DGKG: variants seen among roughly 807,000 people sequenced by gnomAD.
The protein encoded by DGKG is DAG kinase gamma.
In DGKG, 78 loss-of-function variants were observed where a neutral mutation model predicts 105.3. That is an observed-to-expected ratio of 0.74 (90% confidence interval 0.62 to 0.89). The LOEUF (loss-of-function observed/expected upper bound fraction) is 0.89, where lower values mean the gene tolerates loss of function less well. DGKG is among the 40% of genes least tolerant of loss of function. The pLI is 0.00. For missense variants in DGKG, 958 were observed against 1,020.1 expected, an observed-to-expected ratio of 0.94 and a Z score of 0.83; for synonymous variants, 346 against 367.1, an observed-to-expected ratio of 0.94 and a Z score of 0.66.
intron 21 of DGKG, 105 bp downstream of exon 21, chr3:186,211,690 T>C (rs1262757098): frequency 2.4e-6 from 2 of 825,752 alleles, no homozygotes; most frequent in East Asian, 5.1e-5. Context: ...GAGACTACGC[T>C]CTGGGTCACC....
chr3:186,240,447 G>GATGA (rs951169769), intron 20 of DGKG, among the ~76,000 whole-genome samples: 77 of 152,304 alleles, frequency 5.1e-4, no homozygotes, highest in African/African-American at 1.8e-3. Flanking sequence ...TGAATGAATG[G>GATGA]ATGAATGAAT....
At chr3:186,235,671 G>C (rs748952055) in intron 20 of DGKG, among the ~76,000 whole-genome samples, 1 of 152,224 alleles carries the variant, frequency 6.6e-6, no homozygotes, top group African/African-American at 2.4e-5. Flanking sequence ...GTATTCAAGA[G>C]AGGAAGCCCT....
At chr3:186,192,272 G>GATCCCT (rs1206765492) in intron 21 of DGKG, among the ~76,000 whole-genome samples, 5 of 152,188 alleles carry the variant, frequency 3.3e-5, no homozygotes, top group African/African-American at 1.2e-4. Context: ...ACCTCCGGAA[G>GATCCCT]TGCTGGGATC....
intron 19 of DGKG, among the ~76,000 whole-genome samples, chr3:186,243,126 G>A (rs1439897877): frequency 1.3e-5 from 2 of 151,562 alleles, no homozygotes; most frequent in African/African-American, 4.9e-5. Flanking sequence ...ACCTGACATT[G>A]GTAGATGCTA....
intron 20 of DGKG, among the ~76,000 whole-genome samples, chr3:186,214,700 C>T (rs1033309410): frequency 1.3e-5 from 2 of 152,182 alleles, no homozygotes; most frequent in African/African-American, 4.8e-5. Flanking sequence ...TGCTAATATA[C>T]TTCGGAGAAA....
At chr3:186,185,610 G>A (rs559270052) in intron 22 of DGKG, among the ~76,000 whole-genome samples, 1 of 152,238 alleles carries the variant, frequency 6.6e-6, no homozygotes, top group Admixed American at 6.5e-5. Flanking sequence ...TGCTCTGAGG[G>A]AGCTAGATAC....
chr3:186,303,080 G>T (rs1257373821), intron 3 of DGKG, among the ~76,000 whole-genome samples: 1 of 152,076 alleles, frequency 6.6e-6, no homozygotes, highest in Admixed American at 6.6e-5. Context: ...TCTGTCACAG[G>T]GTCCAGAGCT....
chr3:186,157,785 C>G (rs1716108590), intron 24 of DGKG, among the ~76,000 whole-genome samples: 1 of 152,120 alleles, frequency 6.6e-6, no homozygotes, highest in African/African-American at 2.4e-5. Context: ...CTCACTGCAA[C>G]CTCTGCCTCT....
chr3:186,265,501 C>T (rs1722003828), intron 13 of DGKG, among the ~76,000 whole-genome samples, 195 bp from the exon 14 acceptor site: 3 of 152,172 alleles, frequency 2.0e-5, no homozygotes, highest in Admixed American at 1.3e-4. Flanking sequence ...TAGGATTCTT[C>T]AGGCCTCCAG....
intron 1 of DGKG, among the ~76,000 whole-genome samples, chr3:186,326,558 T>A (rs556865087): frequency 1.4e-3 from 216 of 152,264 alleles, no homozygotes; most frequent in African/African-American, 5.0e-3. Context: ...TCCTTCCATA[T>A]TTTTTAACTA....
At chr3:186,354,706 T>A (rs1351021509) in intron 1 of DGKG, among the ~76,000 whole-genome samples, 2 of 152,208 alleles carry the variant, frequency 1.3e-5, no homozygotes, top group African/African-American at 2.4e-5. Flanking sequence ...GAAGCATCAA[T>A]GACTTAAGAA....
At chr3:186,358,888 A>G (rs1017752406) in intron 1 of DGKG, among the ~76,000 whole-genome samples, 3 of 152,254 alleles carry the variant, frequency 2.0e-5, no homozygotes, top group Non-Finnish European at 4.4e-5. Flanking sequence ...GAAGTGGGAC[A>G]TTATACACAT....
At chr3:186,296,837 T>C (rs1398990750) in intron 5 of DGKG, among the ~76,000 whole-genome samples, 2 of 152,242 alleles carry the variant, frequency 1.3e-5, no homozygotes, top group African/African-American at 4.8e-5. Context: ...AAATGTGTAA[T>C]GAGCAGATGC....
intron 24 of DGKG, among the ~76,000 whole-genome samples, chr3:186,157,836 G>C (rs1280661915): frequency 6.6e-6 from 1 of 152,114 alleles, no homozygotes; most frequent in South Asian, 2.1e-4. Context: ...CCGAGGAGCT[G>C]GAATTACAGG....
chr3:186,263,444 G>A (rs1227271171), intron 14 of DGKG, among the ~76,000 whole-genome samples: 2 of 152,012 alleles, frequency 1.3e-5, no homozygotes, highest in Non-Finnish European at 2.9e-5. Flanking sequence ...GCGCATGCCT[G>A]TAATCCCAGC....
intron 2 of DGKG, among the ~76,000 whole-genome samples, chr3:186,313,994 T>A (rs902408087): frequency 2.0e-5 from 3 of 152,212 alleles, no homozygotes; most frequent in African/African-American, 7.2e-5. Context: ...GCCCTAAATA[T>A]GTTCTCTGAC....
At chr3:186,232,237 G>A (rs949683597) in intron 20 of DGKG, among the ~76,000 whole-genome samples, 3 of 152,166 alleles carry the variant, frequency 2.0e-5, no homozygotes, top group Non-Finnish European at 2.9e-5. Flanking sequence ...TACAGCAGAT[G>A]AACTCACTCC....
At chr3:186,283,192 G>A (rs1275303619) in intron 7 of DGKG, among the ~76,000 whole-genome samples, 1 of 151,976 alleles carries the variant, frequency 6.6e-6, no homozygotes, top group South Asian at 2.1e-4. Context: ...AGAGTCACTC[G>A]CCTGGCCAAA....
At chr3:186,230,403 C>G (rs898808342) in intron 20 of DGKG, among the ~76,000 whole-genome samples, 2 of 152,132 alleles carry the variant, frequency 1.3e-5, no homozygotes, top group African/African-American at 4.8e-5. Context: ...CAAGTGATGA[C>G]TAGGTCACAA....
Sources: allele counts gnomAD v4.1 joint callset (sites outside exome capture counted in the v4.1 genomes callset), GRCh38; gene constraint gnomAD v4.1.1; transcripts MANE v1.5; gene names NCBI Gene and HGNC (gene_info 2026-07-23, HGNC 2026-07-21).